The following HTRA3 variants were observed in gnomAD, a reference collection of about 807,000 sequenced individuals.
The protein encoded by HTRA3 is HtrA serine peptidase 3.
HTRA3 carries 41 observed loss-of-function variants against 43.2 expected under a neutral mutation model. The ratio of observed to expected loss-of-function variants is 0.95; its 90% CI spans 0.74 to 1.23. The LOEUF (loss-of-function observed/expected upper bound fraction) is 1.23, where lower values mean the gene tolerates loss of function less well. HTRA3 is among the 50% of genes most tolerant of loss of function. The pLI is 0.00. For synonymous variants in HTRA3, 295 were observed against 287.9 expected (o/e 1.02, Z -0.25); for missense variants, 628 against 647.1 (o/e 0.97, Z 0.32).
intron 3 of HTRA3, among the ~76,000 whole-genome samples, chr4:8,290,926 C>A (rs1713210416): frequency 6.6e-6 from 1 of 152,216 alleles, no homozygotes; most frequent in Non-Finnish European, 1.5e-5. Context: ...TGTCAGAGTC[C>A]TTAGCTGGGC....
chr4:8,279,833 G>T lies in HTRA3; in HGVS notation c.386-2604G>T, dbSNP rs373502862. Among the ~76,000 whole-genome samples, 23 of 152,270 alleles carry T rather than the reference G, an allele frequency of 1.5e-4. No individual in the cohort carries two copies. The South Asian group carries it at 4.6e-3, about 30-fold the overall frequency. On this transcript the variant is annotated intron_variant, in intron 1 of 8. Transcript: ENST00000307358. The surrounding 1 kb of genome is among the most constrained non-coding windows in gnomAD (Gnocchi z 7.4). The stretch of plus-strand genomic sequence containing the variant: ...TCTGCACTCACCCACCCCACGCCGG[G>T]CTCCTCTCTGCCTCATCCCTGGTGA...
intron 6 of HTRA3, among the ~76,000 whole-genome samples, chr4:8,299,225 G>A (rs890474894): frequency 4.6e-5 from 7 of 152,088 alleles, no homozygotes; most frequent in Non-Finnish European, 8.8e-5. Context: ...TTATTCATAA[G>A]TATTTCTTAA....
chr4:8,297,029 C>T lies in HTRA3; in HGVS notation c.1051+2828C>T, dbSNP rs530344785. 4.6e-5 allele frequency among the ~76,000 whole-genome samples: 7 copies of T among 152,060 alleles called. No homozygotes were observed. In the South Asian group the frequency reaches 1.5e-3, roughly 32 times the overall value. On this transcript the variant is annotated intron_variant, in intron 6 of 8. Coordinates refer to ENST00000307358, the MANE Select transcript of HTRA3 (RefSeq NM_053044.5). The surrounding 1 kb of genome is among the most constrained non-coding windows in gnomAD (Gnocchi z 5.8). ...TGGTCTCAGAGTTCACAGGGTTCCC[C>T]AGCCTCAGAGGTCACAGGGTCCCTT...
intron 6 of HTRA3, among the ~76,000 whole-genome samples, chr4:8,298,007 C>T (rs1268037907): frequency 6.6e-6 from 1 of 152,164 alleles, no homozygotes; most frequent in Non-Finnish European, 1.5e-5. Context: ...TCCATTGGCC[C>T]AGGCTTCAGG....
chr4:8,294,367 G>C (rs1713362512), intron 6 of HTRA3, among the ~76,000 whole-genome samples, 166 bp downstream of exon 6: 1 of 151,732 alleles, frequency 6.6e-6, no homozygotes, highest in Non-Finnish European at 1.5e-5. Context: ...AGACCCCCAG[G>C]ACAGCTTATC....
chr4:8,305,951 C>A lies in HTRA3; in HGVS notation c.1197-20C>A. The A allele has an allele frequency of 6.2e-7, 1 of 1,610,552 alleles. No homozygotes were observed. The highest frequency in any genetic ancestry group is 2.2e-5 in the East Asian group (1 of 44,752). On this transcript the variant is annotated intron_variant, in intron 8 of 8. Transcript: ENST00000307358. Reference sequence around the variant, plus strand: ...GCCTGGGGAGGCGGTGGGTGGTGACCCCGTCTCTCCTGTTGGCAGAGGCGG... The same window carrying A: ...GCCTGGGGAGGCGGTGGGTGGTGACACCGTCTCTCCTGTTGGCAGAGGCGG...
intron 3 of HTRA3, among the ~76,000 whole-genome samples, chr4:8,287,054 C>T (rs979082082): frequency 3.3e-5 from 5 of 152,202 alleles, no homozygotes; most frequent in African/African-American, 1.2e-4. Context: ...GGCTGTGGTC[C>T]CATATCACAC....
intron 3 of HTRA3, among the ~76,000 whole-genome samples, chr4:8,290,824 G>C (rs893464326): frequency 3.9e-5 from 6 of 152,188 alleles, no homozygotes; most frequent in Admixed American, 2.6e-4. Context: ...TGTGCGCGGC[G>C]TGGGGTGGAG....
At chr4:8,293,654 C>T (rs868352166) in intron 5 of HTRA3, among the ~76,000 whole-genome samples, 1 of 152,010 alleles carries the variant, frequency 6.6e-6, no homozygotes, top group Non-Finnish European at 1.5e-5. Flanking sequence ...ATGGGGGGGT[C>T]AAGGAGCTCC....
At chr4:8,277,333 C>A (rs1303990210) in intron 1 of HTRA3, among the ~76,000 whole-genome samples, 1 of 152,164 alleles carries the variant, frequency 6.6e-6, no homozygotes, top group East Asian at 1.9e-4. Context: ...GTTGAGGGGG[C>A]CCCTGGAATG....
chr4:8,286,588 C>T lies in HTRA3; in HGVS notation c.513C>T (p.Pro171=), dbSNP rs1712980080. The T allele has an allele frequency of 6.2e-7, 1 of 1,613,954 alleles. No individual in the cohort carries two copies. The highest frequency in any genetic ancestry group is 1.3e-5 in the African/African-American group (1 of 74,908). ...LRHPLFGRNV[P]LSSGSGFIMS... Reference sequence around the variant, plus strand: ...ACCCGCTGTTTGGCCGCAACGTGCCCCTGTCCAGCGGTTCTGGCTTCATCA... The same window carrying T: ...ACCCGCTGTTTGGCCGCAACGTGCCTCTGTCCAGCGGTTCTGGCTTCATCA... Residue 171 remains proline (P), a synonymous_variant, in exon 3 of 9, where the codon CCC becomes CCT. Transcript: ENST00000307358. This position sits in a 1 kb window ranked among gnomAD's most constrained non-coding sequence, Gnocchi z 4.9.
rs1712649935 is a variant in HTRA3 at position 8,279,323 on chromosome 4, C to A, written c.386-3114C>A. Among the ~76,000 whole-genome samples, 2 of 152,324 alleles carry A rather than the reference C, an allele frequency of 1.3e-5. No individual in the cohort carries two copies. The highest frequency in any genetic ancestry group is 4.2e-4 in the South Asian group (2 of 4,818). On this transcript the variant is annotated intron_variant, in intron 1 of 8. Transcript: ENST00000307358. The surrounding 1 kb of genome is among the most constrained non-coding windows in gnomAD (Gnocchi z 7.4). ...TAGAATTTTGATGTTTCCTGCAAGG[C>A]TTTTACTTAACGAATATTTCACAGA...
chr4:8,272,464 C>T lies in HTRA3; in HGVS notation c.385+2111C>T, dbSNP rs1020906693. Among the ~76,000 whole-genome samples, 8 of 152,204 alleles carry T rather than the reference C, an allele frequency of 5.3e-5. No homozygotes were observed. The South Asian group carries it at 8.3e-4, about 16-fold the overall frequency. On this transcript the variant is annotated intron_variant, in intron 1 of 8. Transcript: ENST00000307358. ...TCTGCAGTCCCAGCGCACCTCTTCC[C>T]GATGAGGTGACCTTAGACCACTTGC...
intron 1 of HTRA3, among the ~76,000 whole-genome samples, chr4:8,270,688 G>T (rs1428046898): frequency 6.6e-6 from 1 of 152,116 alleles, no homozygotes; most frequent in African/African-American, 2.4e-5. Flanking sequence ...TGCTCTGTCC[G>T]GGTATTGAGT....
rs58896389 is a variant in HTRA3 at position 8,286,056 on chromosome 4, T to G, written c.486-505T>G. Among the ~76,000 whole-genome samples, 40,748 of 152,162 alleles carry G rather than the reference T, an allele frequency of 0.27. 5,883 individuals carry two copies. Among genetic ancestry groups the G allele is most frequent in the East Asian group, 0.47 (2,442 of 5,162 alleles). ...TGTGTGTGCAATGGGGCTTTTCCCC[T>G]AGGGCCAATTATTGTCCTGTTTGTT... On this transcript the variant is annotated intron_variant, in intron 2 of 8. Coordinates refer to ENST00000307358, the MANE Select transcript of HTRA3 (RefSeq NM_053044.5). This position sits in a 1 kb window ranked among gnomAD's most constrained non-coding sequence, Gnocchi z 4.9.
At position 8,306,667 on chromosome 4, in the gene HTRA3, GC is replaced by G. The variant is rs1713862176; in HGVS notation, c.*532del. The G allele has an allele frequency of 6.5e-6, 1 of 153,910 alleles. No individual in the cohort carries two copies. Among genetic ancestry groups the G allele is most frequent in the African/African-American group, 2.4e-5 (1 of 41,390 alleles). The allele number at this position is 153,910 out of a possible 1,614,324, so 9.5% of individuals were successfully genotyped here. A position where few individuals can be genotyped will look rare whatever the true frequency, so the allele number is the denominator to read the frequency against. On this transcript the variant is annotated 3_prime_UTR_variant, in exon 9 of 9. Transcript: ENST00000307358. This position sits in a 1 kb window ranked among gnomAD's most constrained non-coding sequence, Gnocchi z 8.9. Reference sequence around the variant, plus strand: ...AGGTCACATCTGATCCCTTTGGGGTGCGGGGGTGGGGTCCAGCCCAGAGCAG... The same window carrying G: ...AGGTCACATCTGATCCCTTTGGGGTGGGGGGTGGGGTCCAGCCCAGAGCAG...
intron 2 of HTRA3, among the ~76,000 whole-genome samples, chr4:8,285,987 G>GAAA (rs1314342988): frequency 6.6e-6 from 1 of 152,220 alleles, no homozygotes; most frequent in Non-Finnish European, 1.5e-5. Flanking sequence ...CCAGCCTCTG[G>GAAA]GGAGCCTCCC....
In HTRA3 at chr4:8,299,027, G is replaced by A. The variant is rs147428372; in HGVS notation, c.1052-3436G>A. On this transcript the variant is annotated intron_variant, in intron 6 of 8. Transcript: ENST00000307358. ...TTCTACAAAAAGAAAAATAAAGCCT[G>A]CTGATGATCTGATTGGGATTCCATT... Among the ~76,000 whole-genome samples, 55 of 152,300 alleles carry A rather than the reference G, an allele frequency of 3.6e-4. 1 individual carries two copies. Among genetic ancestry groups the A allele is most frequent in the African/African-American group, 1.1e-3 (47 of 41,564 alleles).
chr4:8,292,513 C>T (rs1713288502), intron 5 of HTRA3, among the ~76,000 whole-genome samples, 160 bp downstream of exon 5: 1 of 152,188 alleles, frequency 6.6e-6, no homozygotes, highest in Non-Finnish European at 1.5e-5. Context: ...GGAGGAAAGA[C>T]CAAGGCTGCC....
Sources: allele counts gnomAD v4.1 joint callset (sites outside exome capture counted in the v4.1 genomes callset), GRCh38; gene constraint gnomAD v4.1.1; non-coding constraint Gnocchi (gnomAD v3.1); transcripts MANE v1.5; gene names NCBI Gene and HGNC (gene_info 2026-07-23, HGNC 2026-07-21).